Variants in AAGAB observed in about 807,000 individuals in gnomAD.
AAGAB encodes the protein alpha- and gamma-adaptin-binding protein p34.
Under a neutral mutation model 44.1 loss-of-function variants are expected in AAGAB, and 38 were observed. The observed-to-expected ratio is 0.86, with a 90% CI of 0.67 to 1.13. The LOEUF is 1.13. Among genes scored for constraint, AAGAB ranks in the 50% most tolerant of loss-of-function variants. The probability of loss-of-function intolerance (pLI) is 0.00; values close to 1 mark genes in which losing one functional copy is unlikely to be tolerated. For synonymous variants in AAGAB, 131 were observed against 131.8 expected (o/e 0.99, Z 0.04); for missense variants, 450 against 373.8 (o/e 1.20, Z -1.68).
chr15:67,245,152 C>G (rs562875438), intron 1 of AAGAB, among the ~76,000 whole-genome samples: 15 of 152,282 alleles, frequency 9.9e-5, no homozygotes, highest in African/African-American at 3.6e-4. Flanking sequence ...CAATTCCACT[C>G]CCAGGCATCC....
intron 1 of AAGAB, among the ~76,000 whole-genome samples, chr15:67,239,022 A>C (rs1255664686): frequency 1.3e-5 from 2 of 152,184 alleles, no homozygotes; most frequent in Non-Finnish European, 2.9e-5. Context: ...AAAAATAGCA[A>C]ACTGAGTATT....
rs756830257 is a variant in AAGAB at position 67,203,557 on chromosome 15, A to T, written c.861T>A (p.His287Gln). ...TGGCTGATTGTCTCACCTTTTCTGC[A>T]TGCACTTTTCTTTGCTCATGAGGAA... ...ATLPHEQRKVHAEKVAKAFWM... is the reference protein window; with the variant it reads ...ATLPHEQRKVQAEKVAKAFWM... Residue 287 changes from histidine to glutamine, a missense_variant, in exon 9 of 10, where the codon CAT (histidine) becomes CAA (glutamine). Transcript: ENST00000261880. 1 of 1,613,706 alleles carries T rather than the reference A, an allele frequency of 6.2e-7. No individual in the cohort carries two copies. Among genetic ancestry groups the T allele is most frequent in the Middle Eastern group, 1.6e-4 (1 of 6,062 alleles).
At chr15:67,211,051 A>G (rs1359100496) in intron 5 of AAGAB, among the ~76,000 whole-genome samples, 1 of 152,204 alleles carries the variant, frequency 6.6e-6, no homozygotes, top group Non-Finnish European at 1.5e-5. Context: ...CAAAAGAGAG[A>G]AACTTCGCAG....
Position 67,236,748 on chromosome 15 carries a change from A to G in AAGAB, c.146T>C (p.Ile49Thr), listed in dbSNP as rs375254655. ...NDAVRFYPWT[I>T]DNKYYSADIN... is the part of the protein sequence containing the mutation. Reference sequence around the variant, plus strand: ...GTCTGCTGAATAGTATTTATTATCAATGGTCCAGGGATAAAATCTCACAGC... The same window carrying G: ...GTCTGCTGAATAGTATTTATTATCAGTGGTCCAGGGATAAAATCTCACAGC... Residue 49 changes from isoleucine to threonine, a missense_variant, in exon 2 of 10, where the codon ATT becomes ACT. Coordinates refer to ENST00000261880, the MANE Select transcript of AAGAB (RefSeq NM_024666.5). The G allele has an allele frequency of 3.1e-6, 5 of 1,613,176 alleles. No individual in the cohort carries two copies. The highest frequency in any genetic ancestry group is 2.2e-5 in the East Asian group (1 of 44,868).
At chr15:67,241,388 A>C (rs1964595820) in intron 1 of AAGAB, among the ~76,000 whole-genome samples, 1 of 152,202 alleles carries the variant, frequency 6.6e-6, no homozygotes, top group Admixed American at 6.5e-5. Context: ...CAGAATGCAA[A>C]GTTGGTTTTA....
chr15:67,229,467 A>G (rs1964284655), intron 5 of AAGAB, among the ~76,000 whole-genome samples: 1 of 151,976 alleles, frequency 6.6e-6, no homozygotes, highest in African/African-American at 2.4e-5. Flanking sequence ...GAAGGAAAAA[A>G]AAAACCCAAA....
chr15:67,225,596 A>G (rs758493278), intron 5 of AAGAB, among the ~76,000 whole-genome samples: 82 of 152,182 alleles, frequency 5.4e-4, no homozygotes, highest in Non-Finnish European at 9.6e-4. Context: ...TCTACTTTCT[A>G]TCTTTATGAA....
At chr15:67,214,329 T>C (rs1285474524) in intron 5 of AAGAB, among the ~76,000 whole-genome samples, 2 of 152,236 alleles carry the variant, frequency 1.3e-5, no homozygotes. Flanking sequence ...CTATAACTCC[T>C]TGAGGCATTG....
intron 5 of AAGAB, among the ~76,000 whole-genome samples, chr15:67,222,061 T>G (rs948595901): frequency 6.6e-6 from 1 of 152,100 alleles, no homozygotes; most frequent in Admixed American, 6.5e-5. Context: ...ACTACCATCT[T>G]TTTACTGACC....
Position 67,201,600 on chromosome 15 carries a change from T to C in AAGAB, c.*1221A>G, listed in dbSNP as rs1471288556. 6.6e-6 allele frequency: 1 copy of C among 152,382 alleles called. No homozygotes were observed. The highest frequency in any genetic ancestry group is 1.5e-5 in the Non-Finnish European group (1 of 68,074). The allele number at this position is 152,382 out of a possible 1,614,324, so 9.4% of individuals were successfully genotyped here. On this transcript the variant is annotated 3_prime_UTR_variant, in exon 10 of 10. Transcript: ENST00000261880. Reference sequence around the variant, plus strand: ...TGGTGTGCGGGCACCTTCCATCCACTGTACTATGTGCCAGTTCAGAGCCAC... The same window carrying C: ...TGGTGTGCGGGCACCTTCCATCCACCGTACTATGTGCCAGTTCAGAGCCAC...
rs1595998422 is a variant in AAGAB, at chr15:67,229,285, T to C, written c.535+2529A>G. On this transcript the variant is annotated intron_variant, in intron 5 of 9. Coordinates refer to ENST00000261880, the MANE Select transcript of AAGAB (RefSeq NM_024666.5). ...CCGTCTCTACTAAAAATACAAAAATTAGCTGGGAGTGGTGGTGCGCGCCTG... is the reference window on the plus strand; with the variant it reads ...CCGTCTCTACTAAAAATACAAAAATCAGCTGGGAGTGGTGGTGCGCGCCTG... Among the ~76,000 whole-genome samples the C allele has an allele frequency of 2.0e-5, 3 of 151,686 alleles. No homozygotes were observed. The East Asian group carries it at 5.8e-4, about 29-fold the overall frequency.
chr15:67,220,924 G>A (rs1377538826), intron 5 of AAGAB: 2 of 152,136 alleles, frequency 1.3e-5, no homozygotes, highest in East Asian at 3.8e-4. Context: ...GCTCTGTTCA[G>A]TAAGGCCTTC....
At chr15:67,212,744 CA>C (rs1336230887) in intron 5 of AAGAB, among the ~76,000 whole-genome samples, 1 of 152,060 alleles carries the variant, frequency 6.6e-6, no homozygotes, top group Non-Finnish European at 1.5e-5. Flanking sequence ...TAACATTGCT[CA>C]AAAAACTTAG....
chr15:67,208,356 G>A (rs1451313636), intron 7 of AAGAB, among the ~76,000 whole-genome samples: 2 of 152,208 alleles, frequency 1.3e-5, no homozygotes, highest in Non-Finnish European at 2.9e-5. Flanking sequence ...GAATTAAAGA[G>A]AAAATGGTAC....
intron 5 of AAGAB, among the ~76,000 whole-genome samples, chr15:67,229,274 A>T (rs1964277819): frequency 6.6e-6 from 1 of 152,100 alleles, no homozygotes; most frequent in African/African-American, 2.4e-5. Context: ...CTCTACTAAA[A>T]ATACAAAAAT....
intron 4 of AAGAB, 75 bp downstream of exon 4, chr15:67,235,904 T>C: frequency 5.2e-6 from 6 of 1,158,524 alleles, no homozygotes; most frequent in Non-Finnish European, 7.4e-6. Flanking sequence ...AATTTTGCTG[T>C]GATTCTTCTT....
intron 5 of AAGAB, among the ~76,000 whole-genome samples, chr15:67,210,451 GGT>G (rs1165442740): frequency 6.6e-6 from 1 of 151,820 alleles, no homozygotes; most frequent in African/African-American, 2.4e-5. Context: ...AGGAGGCAGA[GGT>G]TGCAGTGATC....
intron 4 of AAGAB, among the ~76,000 whole-genome samples, chr15:67,235,741 AC>A (rs1264370338): frequency 6.6e-6 from 1 of 152,222 alleles, no homozygotes; most frequent in Non-Finnish European, 1.5e-5. Flanking sequence ...GCAGCCCTAT[AC>A]CTTTATCCAT....
intron 1 of AAGAB, 60 bp downstream of exon 1, chr15:67,254,499 G>C (rs1318413538): frequency 6.5e-7 from 1 of 1,535,916 alleles, no homozygotes; most frequent in Admixed American, 2.0e-5. Flanking sequence ...GTGGTGCTGG[G>C]TCCGTCGCCC....
Sources: gnomAD v4.1 joint callset for allele counts (sites outside exome capture counted in the v4.1 genomes callset) on GRCh38, gnomAD v4.1.1 for gene constraint, MANE v1.5 for transcripts, NCBI Gene and HGNC (gene_info 2026-07-23, HGNC 2026-07-21) for gene names.